Variants in SLC29A1 observed in about 807,000 individuals in gnomAD.
SLC29A1 encodes the protein equilibrative nucleoside transporter 1.
A neutral mutation model predicts 48.3 loss-of-function variants in SLC29A1; 22 were observed. The ratio of observed to expected loss-of-function variants is 0.46; its 90% CI spans 0.33 to 0.65. The LOEUF is 0.65. Among genes scored for constraint, SLC29A1 ranks in the 30% least tolerant of loss-of-function variants. The pLI, the probability that SLC29A1 is intolerant of heterozygous loss-of-function variation, is 0.03. For missense variants in SLC29A1, 491 were observed against 575.3 expected (o/e 0.85, Z 1.50); for synonymous variants, 228 against 231.0 (o/e 0.99, Z 0.12).
At position 44,230,575 on chromosome 6, in the gene SLC29A1, G is replaced by A. The variant is rs8187640; in HGVS notation, c.597G>A (p.Ser199=). The A allele has an allele frequency of 5.0e-3, 8,104 of 1,614,096 alleles. 83 individuals carry two copies. The highest frequency in any genetic ancestry group is 0.03 in the South Asian group (2,730 of 91,080). ...VAMICAIASG[S]ELSESAFGYF... is the part of the protein sequence containing the mutation. ...TCACTGACACCACCCCAGGTGGCTC[G>A]GAGCTATCAGAAAGTGCCTTCGGCT... Residue 199 remains serine, a synonymous_variant, in exon 7 of 13, where the codon TCG becomes TCA. Transcript: ENST00000371755.
intron 2 of SLC29A1, among the ~76,000 whole-genome samples, chr6:44,227,992 C>T (rs1298637845): frequency 1.3e-5 from 2 of 152,224 alleles, no homozygotes; most frequent in African/African-American, 4.8e-5. Flanking sequence ...CCCTCCTGTG[C>T]CAAAGGCTAT....
chr6:44,227,959 C>T (rs1044865434), intron 2 of SLC29A1, among the ~76,000 whole-genome samples: 2 of 152,338 alleles, frequency 1.3e-5, no homozygotes, highest in Admixed American at 6.5e-5. Flanking sequence ...AAACCCATCA[C>T]GTCTGCCCTA....
chr6:44,223,540 G>T, upstream of SLC29A1: 1 of 1,176,690 alleles, frequency 8.5e-7, no homozygotes, highest in South Asian at 1.5e-5. This position sits in a 1 kb window ranked among gnomAD's most constrained non-coding sequence, Gnocchi z 5.0. Flanking sequence ...CGCAGGGCGG[G>T]GCGAGCTCAG....
At position 44,223,614 on chromosome 6, in the gene SLC29A1, C is replaced by G; in HGVS notation, c.-79C>G. 8.2e-7 allele frequency: 1 copy of G among 1,215,658 alleles called. No homozygotes were observed. Among genetic ancestry groups the G allele is most frequent in the Non-Finnish European group, 1.0e-6 (1 of 952,740 alleles). The allele number at this position is 1,215,658 out of a possible 1,614,324, so 75.3% of individuals were successfully genotyped here. A position where few individuals can be genotyped will look rare whatever the true frequency, so the allele number is the denominator to read the frequency against. Reference sequence around the variant, plus strand: ...AGCTGCAGCGAGAGCGCGCGGATCTCAGCGCGGGAGCAGTGCTTCTGCGGC... The same window carrying G: ...AGCTGCAGCGAGAGCGCGCGGATCTGAGCGCGGGAGCAGTGCTTCTGCGGC... On this transcript the variant is annotated 5_prime_UTR_variant, in exon 1 of 13. Transcript: ENST00000371755. The surrounding 1 kb of genome is among the most constrained non-coding windows in gnomAD (Gnocchi z 5.0).
Position 44,233,615 on chromosome 6 carries a change from G to A in SLC29A1, c.*87G>A. On this transcript the variant is annotated 3_prime_UTR_variant, in exon 13 of 13. Transcript: ENST00000371755. ...GCCAGGGGTGATCCTGAGTGGTCTG[G>A]CGGTTTTTTCTTCTAACTGACTTCT... 8.8e-7 allele frequency: 1 copy of A among 1,135,708 alleles called. No homozygotes were observed. The highest frequency in any genetic ancestry group is 1.3e-5 in the South Asian group (1 of 78,234). The allele number at this position is 1,135,708 out of a possible 1,614,324, so 70.4% of individuals were successfully genotyped here.
chr6:44,223,585 G>A (rs1457935202), upstream of SLC29A1: 52 of 1,213,362 alleles, frequency 4.3e-5, no homozygotes, highest in Admixed American at 1.2e-4. The surrounding 1 kb of genome is among the most constrained non-coding windows in gnomAD (Gnocchi z 5.0). Context: ...CGGCGGGAGA[G>A]GGAAGCTGCA....
rs775775733 is a variant in SLC29A1 at position 44,233,479 on chromosome 6, G to T, written c.1322G>T (p.Gly441Val). 2 of 1,614,162 alleles carry T rather than the reference G, an allele frequency of 1.2e-6. No homozygotes were observed. Among genetic ancestry groups the T allele is most frequent in the South Asian group, 2.2e-5 (2 of 91,086 alleles). ...ATCATGGCCTTCTTCCTGTGTCTGG[G>T]TCTGGCACTGGGGGCTGTTTTCTCC... ...GAIMAFFLCL[G>V]LALGAVFSFL... Residue 441 changes from glycine (G) to valine (V), a missense_variant, in exon 13 of 13, where the codon GGT becomes GTT. By Grantham distance (109) the Gly-to-Val change is moderately radical. Coordinates refer to ENST00000371755, the MANE Select transcript of SLC29A1 (RefSeq NM_001372327.1).
At chr6:44,220,875 CTTTG>C (rs1314645706), upstream of SLC29A1, among the ~76,000 whole-genome samples, 13 of 151,696 alleles carry the variant, frequency 8.6e-5, no homozygotes, top group Admixed American at 1.3e-4. Flanking sequence ...TAAAATGTAT[CTTTG>C]TTTGTTTGTT....
intron 2 of SLC29A1, 31 bp downstream of exon 2, chr6:44,227,373 A>G: frequency 6.3e-7 from 1 of 1,587,178 alleles, no homozygotes; most frequent in Non-Finnish European, 8.7e-7. Flanking sequence ...CTGTGGATCC[A>G]GGGAATGGGT....
chr6:44,227,150 C>T, intron 1 of SLC29A1, 113 bp from the exon 2 acceptor site: 11 of 1,385,044 alleles, frequency 7.9e-6, no homozygotes, highest in Non-Finnish European at 1.1e-5. Context: ...GGGGGTCTTA[C>T]TGGACTCCTC....
Position 44,233,554 on chromosome 6 carries a change from G to GCCTC in SLC29A1, c.*34_*37dup, listed in dbSNP as rs1779365311. On this transcript the variant is annotated 3_prime_UTR_variant, in exon 13 of 13. Coordinates refer to ENST00000371755, the MANE Select transcript of SLC29A1 (RefSeq NM_001372327.1). ...CAAAGGATGGACAGAAGGACTGCCT[G>GCCTC]CCTCCCTCCCTGTCTGCCTCCTGCC... is the stretch of plus-strand genomic sequence containing the variant. 2 of 1,562,506 alleles carry GCCTC rather than the reference G, an allele frequency of 1.3e-6. No individual in the cohort carries two copies. The highest frequency in any genetic ancestry group is 3.3e-5 in the Admixed American group (2 of 59,910).
intron 1 of SLC29A1, chr6:44,226,917 C>G (rs766757002): frequency 5.6e-6 from 6 of 1,072,064 alleles, no homozygotes; most frequent in Admixed American, 4.8e-5. Context: ...GACTGTCTTT[C>G]CCTCCCTCCC....
chr6:44,232,785 AGG>A lies in SLC29A1; in HGVS notation c.1060-21_1060-20del. On this transcript the variant is annotated intron_variant, in intron 11 of 12. Transcript: ENST00000371755. The surrounding 1 kb of genome is among the most constrained non-coding windows in gnomAD (Gnocchi z 4.7). ...TGCCCTGGGGTGGCGGCCTGGGCTG[AGG>A]CCCTGCCTGGTGCCCACAGCCTGGG... is the stretch of plus-strand genomic sequence containing the variant. The A allele has an allele frequency of 6.2e-7, 1 of 1,603,864 alleles. No homozygotes were observed. Among genetic ancestry groups the A allele is most frequent in the Non-Finnish European group, 8.5e-7 (1 of 1,178,162 alleles).
At chr6:44,219,968 T>C (rs959159347), upstream of SLC29A1, among the ~76,000 whole-genome samples, 7 of 152,134 alleles carry the variant, frequency 4.6e-5, no homozygotes, top group Non-Finnish European at 7.4e-5. Context: ...TCGAAGGCCA[T>C]TATTAGATGA....
chr6:44,233,662 G>A lies in SLC29A1; in HGVS notation c.*134G>A. Reference sequence around the variant, plus strand: ...TTCTGCTTTCCACGGCGTGTGCTGGGCCCGGATCTCCAGGCCCTGGGGAGG... The same window carrying A: ...TTCTGCTTTCCACGGCGTGTGCTGGACCCGGATCTCCAGGCCCTGGGGAGG... On this transcript the variant is annotated 3_prime_UTR_variant, in exon 13 of 13. Transcript: ENST00000371755. 2.8e-6 allele frequency: 2 copies of A among 705,600 alleles called. No homozygotes were observed. The highest frequency in any genetic ancestry group is 2.6e-5 in the East Asian group (1 of 37,890). 43.7% of individuals were successfully genotyped at this position (705,600 alleles called of 1,614,324 possible).
chr6:44,230,457 G>A lies in SLC29A1; in HGVS notation c.565G>A (p.Val189Met), dbSNP rs140073112. 106 of 1,613,882 alleles carry A rather than the reference G, an allele frequency of 6.6e-5. No homozygotes were observed. The highest frequency in any genetic ancestry group is 4.9e-4 in the Middle Eastern group (3 of 6,062). Reference protein sequence around the residue: ...GQGLAGFFASVAMICAIASGS... With the variant: ...GQGLAGFFASMAMICAIASGS... ...GGGCCTAGCAGGCTTCTTTGCCTCCGTGGCCATGATCTGCGCTATTGCCAG... is the reference window on the plus strand; with the variant it reads ...GGGCCTAGCAGGCTTCTTTGCCTCCATGGCCATGATCTGCGCTATTGCCAG... The change falls in exon 6 of 13, where the codon GTG (valine) becomes ATG (methionine). Residue 189 changes from valine to methionine, a missense_variant. Val to Met is a conservative substitution (Grantham distance 21). Coordinates refer to ENST00000371755, the MANE Select transcript of SLC29A1 (RefSeq NM_001372327.1).
chr6:44,226,224 C>T lies in SLC29A1; in HGVS notation c.-51-1039C>T, dbSNP rs571824327. ...TGTCCTTTCACCCCAAACAGCAAGG[C>T]CTGGGCCCAGCTAGGCCTGAGTGTG... On this transcript the variant is annotated intron_variant, in intron 1 of 12. Coordinates refer to ENST00000371755, the MANE Select transcript of SLC29A1 (RefSeq NM_001372327.1). 4.3e-4 allele frequency: 246 copies of T among 571,338 alleles called. 1 individual carries two copies. In the African/African-American group the frequency reaches 4.8e-3, roughly 11 times the overall value. The allele number at this position is 571,338 out of a possible 1,614,324, so 35.4% of individuals were successfully genotyped here.
chr6:44,233,578 C>A lies in SLC29A1; in HGVS notation c.*50C>A. On this transcript the variant is annotated 3_prime_UTR_variant, in exon 13 of 13. Transcript: ENST00000371755. ...TGCCTCCCTCCCTGTCTGCCTCCTG[C>A]CCCTTCCTTCTGCCAGGGGTGATCC... is the stretch of plus-strand genomic sequence containing the variant. The A allele has an allele frequency of 7.0e-7, 1 of 1,429,808 alleles. No individual in the cohort carries two copies. The allele number at this position is 1,429,808 out of a possible 1,614,324, so 88.6% of individuals were successfully genotyped here. A position where few individuals can be genotyped will look rare whatever the true frequency, so the allele number is the denominator to read the frequency against.
At chr6:44,230,263 G>T in intron 5 of SLC29A1, 84 bp from the exon 6 acceptor site, 1 of 1,562,660 alleles carries the variant, frequency 6.4e-7, no homozygotes, top group Non-Finnish European at 8.7e-7. Context: ...CAAGAGTAAA[G>T]TAGGAATGAC....
Sources: allele counts gnomAD v4.1 joint callset (sites outside exome capture counted in the v4.1 genomes callset), GRCh38; gene constraint gnomAD v4.1.1; non-coding constraint Gnocchi (gnomAD v3.1); transcripts MANE v1.5; gene names NCBI Gene and HGNC (gene_info 2026-07-23, HGNC 2026-07-21).